Variants in SEPTIN9 observed in about 807,000 individuals in gnomAD.
SEPTIN9 encodes septin 9, also known as septin-9.
Under a neutral mutation model 56.6 loss-of-function variants are expected in SEPTIN9, and 13 were observed. The observed-to-expected ratio is 0.23, with a 90% CI of 0.15 to 0.37. SEPTIN9 has a LOEUF of 0.37. Ranked by LOEUF, SEPTIN9 falls within the 10% of genes least tolerant of loss-of-function variation. SEPTIN9 has a pLI of 1.00. For synonymous variants in SEPTIN9, 332 were observed against 334.1 expected, an observed-to-expected ratio of 0.99 and a Z score of 0.07; for missense variants, 650 against 823.1, an observed-to-expected ratio of 0.79 and a Z score of 2.57.
chr17:77,444,922 C>T (rs962412226), intron 3 of SEPTIN9: 42 of 363,026 alleles, frequency 1.2e-4, no homozygotes, highest in Non-Finnish European at 9.1e-5. Context: ...GTAGATAGGT[C>T]AAAGGAAGAG....
intron 2 of SEPTIN9, among the ~76,000 whole-genome samples, chr17:77,354,972 C>G (rs896227247): frequency 6.6e-6 from 1 of 152,138 alleles, no homozygotes; most frequent in Non-Finnish European, 1.5e-5. Flanking sequence ...CAATAATTGG[C>G]TGAGCCAGGA....
chr17:77,465,584 A>G (rs960022720), intron 3 of SEPTIN9, among the ~76,000 whole-genome samples: 3 of 144,884 alleles, frequency 2.1e-5, no homozygotes, highest in Non-Finnish European at 4.5e-5. Flanking sequence ...CGCTCCATGA[A>G]CTAGGATGAA....
Position 77,492,881 on chromosome 17 carries a change from T to C in SEPTIN9, c.1477-99T>C. 7.8e-7 allele frequency: 1 copy of C among 1,282,704 alleles called. No homozygotes were observed. The highest frequency in any genetic ancestry group is 1.1e-6 in the Non-Finnish European group (1 of 895,720). 79.5% of individuals were successfully genotyped at this position (1,282,704 alleles called of 1,614,324 possible). A position where few individuals can be genotyped will look rare whatever the true frequency, so the allele number is the denominator to read the frequency against. Reference sequence around the variant, plus strand: ...TGCTGTCAGGCTGAGGCTCTCGTTTTTGGGGGACCCCAGGCTCAGGGCAGC... The same window carrying C: ...TGCTGTCAGGCTGAGGCTCTCGTTTCTGGGGGACCCCAGGCTCAGGGCAGC... On this transcript the variant is annotated intron_variant, in intron 9 of 11. Coordinates refer to ENST00000427177, the MANE Select transcript of SEPTIN9 (RefSeq NM_001113491.2). This position sits in a 1 kb window ranked among gnomAD's most constrained non-coding sequence, Gnocchi z 5.4.
At chr17:77,480,754 C>A (rs2039423681) in intron 3 of SEPTIN9, among the ~76,000 whole-genome samples, 1 of 152,208 alleles carries the variant, frequency 6.6e-6, no homozygotes, top group Admixed American at 6.5e-5. Flanking sequence ...CGGGAGGGGC[C>A]CTGCCTGGGA....
intron 3 of SEPTIN9, among the ~76,000 whole-genome samples, chr17:77,404,636 G>C (rs376345978): frequency 1.9e-4 from 29 of 152,234 alleles, no homozygotes; most frequent in African/African-American, 3.6e-4. Flanking sequence ...TGTGGGTTTG[G>C]GGGGAGACCA....
intron 10 of SEPTIN9, among the ~76,000 whole-genome samples, chr17:77,496,765 G>A (rs892855570): frequency 6.6e-6 from 1 of 152,232 alleles, no homozygotes; most frequent in African/African-American, 2.4e-5. Flanking sequence ...TCCACAGTAC[G>A]TAGCCCCTGT....
At chr17:77,365,775 G>A (rs554325665) in intron 2 of SEPTIN9, among the ~76,000 whole-genome samples, 28 of 152,308 alleles carry the variant, frequency 1.8e-4, no homozygotes, top group African/African-American at 5.8e-4. Context: ...ATGGAGCCGC[G>A]GTCCACAGAG....
chr17:77,475,603 C>T lies in SEPTIN9; in HGVS notation c.722-6541C>T. ...GCCCCAGGGTCTGGATTCAGGGGAG[C>T]CTGCAGAGGGAGGGCAGCTGGAGGC... On this transcript the variant is annotated intron_variant, in intron 3 of 11. Coordinates refer to ENST00000427177, the MANE Select transcript of SEPTIN9 (RefSeq NM_001113491.2). This position sits in a 1 kb window ranked among gnomAD's most constrained non-coding sequence, Gnocchi z 4.6. 1 of 1,613,602 alleles carries T rather than the reference C, an allele frequency of 6.2e-7. No homozygotes were observed. Among genetic ancestry groups the T allele is most frequent in the Non-Finnish European group, 8.5e-7 (1 of 1,179,834 alleles).
At position 77,344,026 on chromosome 17, in the gene SEPTIN9, G is replaced by A. The variant is rs550287187; in HGVS notation, c.76+36829G>A. Among the ~76,000 whole-genome samples, 32 of 152,244 alleles carry A rather than the reference G, an allele frequency of 2.1e-4. No individual in the cohort carries two copies. The South Asian group carries it at 6.4e-3, about 31-fold the overall frequency. The stretch of plus-strand genomic sequence containing the variant: ...CAACAAAAGAAATAAATGATAAATT[G>A]GACTTCACCAAAACTTAAAACTTTT... On this transcript the variant is annotated intron_variant, in intron 2 of 11. Transcript: ENST00000427177.
intron 2 of SEPTIN9, among the ~76,000 whole-genome samples, chr17:77,379,255 G>T (rs574990825): frequency 6.6e-6 from 1 of 152,004 alleles, no homozygotes; most frequent in Non-Finnish European, 1.5e-5. Context: ...GGAGGTGGAG[G>T]GGGGACTGGG....
intron 1 of SEPTIN9, among the ~76,000 whole-genome samples, chr17:77,283,338 T>A (rs926219712): frequency 1.3e-5 from 2 of 151,992 alleles, no homozygotes; most frequent in African/African-American, 4.8e-5. Flanking sequence ...ATTTCTGGTT[T>A]GCTCCCTGCT....
chr17:77,343,099 A>G (rs964352294), intron 2 of SEPTIN9, among the ~76,000 whole-genome samples: 2 of 152,022 alleles, frequency 1.3e-5, no homozygotes, highest in East Asian at 1.9e-4. Flanking sequence ...TGAAATCTCC[A>G]AAGTGATGGG....
intron 2 of SEPTIN9, among the ~76,000 whole-genome samples, chr17:77,354,249 G>A (rs1347724387): frequency 6.6e-6 from 1 of 152,180 alleles, no homozygotes; most frequent in Non-Finnish European, 1.5e-5. Context: ...GTGTTACCCC[G>A]TTTTATAGAT....
At chr17:77,351,324 G>A (rs1426260639) in intron 2 of SEPTIN9, among the ~76,000 whole-genome samples, 1 of 152,062 alleles carries the variant, frequency 6.6e-6, no homozygotes, top group East Asian at 1.9e-4. Context: ...AGGAAACCGG[G>A]TTCTGGGAAA....
chr17:77,346,329 CTTACAG>C (rs1317651949), intron 2 of SEPTIN9, among the ~76,000 whole-genome samples: 1 of 114,992 alleles, frequency 8.7e-6, no homozygotes, highest in Non-Finnish European at 1.7e-5. Context: ...AATATAAGCA[CTTACAG>C]TTTCCCTCTA....
At chr17:77,442,814 A>T (rs957585393) in intron 3 of SEPTIN9, among the ~76,000 whole-genome samples, 1 of 152,120 alleles carries the variant, frequency 6.6e-6, no homozygotes, top group South Asian at 2.1e-4. Context: ...CGGAGGTTGC[A>T]GTGAGCTGAG....
chr17:77,438,654 G>A (rs535676025), intron 3 of SEPTIN9, among the ~76,000 whole-genome samples: 1 of 152,338 alleles, frequency 6.6e-6, no homozygotes, highest in Admixed American at 6.5e-5. Context: ...GCAGGAAAAC[G>A]CAGTCTCCCC....
intron 4 of SEPTIN9, among the ~76,000 whole-genome samples, chr17:77,485,715 C>T (rs545251210): frequency 7.6e-4 from 116 of 152,062 alleles, no homozygotes; most frequent in African/African-American, 2.5e-3. Flanking sequence ...GAGGAGTGTC[C>T]GTCCTTGGGC....
rs945752263 is a variant in SEPTIN9 at position 77,435,868 on chromosome 17, G to A, written c.721+33165G>A. Among the ~76,000 whole-genome samples the A allele has an allele frequency of 1.3e-5, 2 of 152,238 alleles. No homozygotes were observed. The highest frequency in any genetic ancestry group is 4.1e-4 in the South Asian group (2 of 4,830). The stretch of plus-strand genomic sequence containing the variant: ...CTGGAGGCCTTTGCTCCTGAGCCCT[G>A]CCTCTGTGTAATCCCTAAAGCACGG... On this transcript the variant is annotated intron_variant, in intron 3 of 11. Transcript: ENST00000427177. The surrounding 1 kb of genome is among the most constrained non-coding windows in gnomAD (Gnocchi z 4.5).
Sources: gnomAD v4.1 joint callset for allele counts (sites outside exome capture counted in the v4.1 genomes callset) on GRCh38, gnomAD v4.1.1 for gene constraint, Gnocchi (gnomAD v3.1) non-coding constraint, MANE v1.5 for transcripts, NCBI Gene and HGNC (gene_info 2026-07-23, HGNC 2026-07-21) for gene names.